The following ALK variants were observed in gnomAD, a reference collection of about 807,000 sequenced individuals.
ALK encodes ALK tyrosine kinase receptor.
ALK carries 74 observed loss-of-function variants against 163.1 expected under a neutral mutation model. The ratio of observed to expected loss-of-function variants is 0.45; its 90% CI spans 0.38 to 0.55. ALK has a LOEUF of 0.55. Ranked by LOEUF, ALK falls within the 20% of genes least tolerant of loss-of-function variation. The probability of loss-of-function intolerance (pLI) is 0.00; values close to 1 mark genes in which losing one functional copy is unlikely to be tolerated. For missense variants in ALK, 2,063 were observed against 2,105.3 expected (o/e 0.98, Z 0.39); for synonymous variants, 960 against 843.2 (o/e 1.14, Z -2.40).
At chr2:29,345,088 G>T (rs1456599982) in intron 5 of ALK, among the ~76,000 whole-genome samples, 2 of 152,140 alleles carry the variant, frequency 1.3e-5, no homozygotes, top group African/African-American at 4.8e-5. Flanking sequence ...CATCAAATTA[G>T]CAAAGACTTG....
Position 29,918,796 on chromosome 2 carries a change from T to C in ALK, c.667+1197A>G, listed in dbSNP as rs551791453. On this transcript the variant is annotated intron_variant, in intron 1 of 28. Transcript: ENST00000389048. ...GTTTCCATCCAATTAATATTAGACA[T>C]TAGTAGCCAGTGGAGCATAAGAACT... Among the ~76,000 whole-genome samples, 10 of 152,306 alleles carry C rather than the reference T, an allele frequency of 6.6e-5. No individual in the cohort carries two copies. The East Asian group carries it at 1.7e-3, about 26-fold the overall frequency.
intron 4 of ALK, among the ~76,000 whole-genome samples, chr2:29,486,176 T>C (rs1671772751): frequency 6.6e-6 from 1 of 152,166 alleles, no homozygotes; most frequent in Non-Finnish European, 1.5e-5. Context: ...TAGTGCAAAA[T>C]ATACCATCTT....
chr2:29,232,281 AG>A (rs1192894195), intron 15 of ALK, 22 bp downstream of exon 15: 7 of 1,613,922 alleles, frequency 4.3e-6, no homozygotes, highest in Non-Finnish European at 5.1e-6. Flanking sequence ...GTTCTGGGAG[AG>A]GGCACGCTTG....
chr2:29,404,383 C>T (rs997532916), intron 4 of ALK, among the ~76,000 whole-genome samples: 2 of 150,696 alleles, frequency 1.3e-5, no homozygotes, highest in Non-Finnish European at 3.0e-5. Context: ...TAAATATTTA[C>T]TCAAACAGAA....
intron 3 of ALK, among the ~76,000 whole-genome samples, chr2:29,685,860 C>A (rs952455): frequency 6.6e-6 from 1 of 152,120 alleles, no homozygotes; most frequent in Non-Finnish European, 1.5e-5. Flanking sequence ...CCTCTTCTTT[C>A]CCAGCCCTTA....
chr2:29,468,790 G>A (rs1003284180), intron 4 of ALK, among the ~76,000 whole-genome samples: 16 of 142,900 alleles, frequency 1.1e-4, no homozygotes, highest in African/African-American at 4.2e-4. Context: ...GGAGGTTGAG[G>A]CTGCAGTAAG....
rs541049394 is a variant in ALK, at chr2:29,419,318, C to T, written c.1155-35459G>A. 2.6e-4 allele frequency among the ~76,000 whole-genome samples: 39 copies of T among 151,482 alleles called. 1 individual carries two copies. Among genetic ancestry groups the T allele is most frequent in the African/African-American group, 8.6e-4 (35 of 40,830 alleles). ...GACCACCCACCTCGGCTTCCCAAAGCGCTGGGATTACAGGCATGAGCCACC... is the reference window on the plus strand; with the variant it reads ...GACCACCCACCTCGGCTTCCCAAAGTGCTGGGATTACAGGCATGAGCCACC... On this transcript the variant is annotated intron_variant, in intron 4 of 28. Coordinates refer to ENST00000389048, the MANE Select transcript of ALK (RefSeq NM_004304.5).
intron 9 of ALK, among the ~76,000 whole-genome samples, chr2:29,295,375 C>T (rs956793660): frequency 8.5e-5 from 13 of 152,124 alleles, no homozygotes; most frequent in African/African-American, 3.1e-4. Flanking sequence ...TTCACCTCTC[C>T]CAGGAGGGAG....
Position 29,555,219 on chromosome 2 carries a change from C to A in ALK, c.953-23103G>T, listed in dbSNP as rs1296768021. 2.0e-5 allele frequency among the ~76,000 whole-genome samples: 3 copies of A among 152,196 alleles called. No homozygotes were observed. The East Asian group carries it at 5.8e-4, about 29-fold the overall frequency. On this transcript the variant is annotated intron_variant, in intron 3 of 28. Coordinates refer to ENST00000389048, the MANE Select transcript of ALK (RefSeq NM_004304.5). ...TGGGGACCCCTTTCCTGTAACACTA[C>A]CCCCTCAGATGGCCATGTCTCTCCA...
At chr2:29,222,639 G>A (rs773789196) in intron 20 of ALK, 32 bp from the exon 21 acceptor site, 16 of 1,598,654 alleles carry the variant, frequency 1.0e-5, no homozygotes, top group Admixed American at 6.8e-5. Context: ...AGGAGACAGA[G>A]TCAAACAGGC....
chr2:29,220,624 C>T (rs1480788003), intron 23 of ALK, 82 bp downstream of exon 23: 6 of 1,601,660 alleles, frequency 3.7e-6, no homozygotes, highest in Non-Finnish European at 5.1e-6. Flanking sequence ...GAACTTGCTA[C>T]CCAGGCTGCC....
chr2:29,290,944 G>T (rs547847475), intron 9 of ALK, among the ~76,000 whole-genome samples: 1 of 152,234 alleles, frequency 6.6e-6, no homozygotes, highest in African/African-American at 2.4e-5. Flanking sequence ...AGCAGGAGGT[G>T]GTGGTGGGAA....
At chr2:29,249,576 C>G (rs1664764997) in intron 12 of ALK, among the ~76,000 whole-genome samples, 1 of 152,142 alleles carries the variant, frequency 6.6e-6, no homozygotes, top group African/African-American at 2.4e-5. Flanking sequence ...AATCCCAGCT[C>G]CATCACTGAT....
chr2:29,586,300 T>C (rs1454372969), intron 3 of ALK, among the ~76,000 whole-genome samples: 1 of 152,160 alleles, frequency 6.6e-6, no homozygotes, highest in African/African-American at 2.4e-5. Flanking sequence ...TATTTTCTTA[T>C]GTATTTATGG....
At chr2:29,772,971 C>G (rs939688911) in intron 1 of ALK, among the ~76,000 whole-genome samples, 28 of 152,148 alleles carry the variant, frequency 1.8e-4, no homozygotes, top group African/African-American at 6.5e-4. Context: ...ATTTGTGGAA[C>G]GACGTGCTGG....
chr2:29,810,255 C>T (rs1215548878), intron 1 of ALK, among the ~76,000 whole-genome samples: 1 of 151,992 alleles, frequency 6.6e-6, no homozygotes, highest in African/African-American at 2.4e-5. Flanking sequence ...TACGCCATCT[C>T]TACTAAAAAT....
chr2:29,407,167 T>C (rs1669606016), intron 4 of ALK, among the ~76,000 whole-genome samples: 1 of 152,178 alleles, frequency 6.6e-6, no homozygotes, highest in Admixed American at 6.5e-5. Flanking sequence ...GATTCAACTT[T>C]CTGATCTGAA....
chr2:29,315,979 C>A (rs893814167), intron 8 of ALK, among the ~76,000 whole-genome samples: 3 of 152,076 alleles, frequency 2.0e-5, no homozygotes, highest in Non-Finnish European at 4.4e-5. Flanking sequence ...GCACTCGGGC[C>A]CCATAGGCAA....
At position 29,571,602 on chromosome 2, in the gene ALK, C is replaced by CTTTTTTTTTTTTTTTTT. The variant is rs60429543; in HGVS notation, c.953-39503_953-39487dup. Among the ~76,000 whole-genome samples, 19 of 68,526 alleles carry CTTTTTTTTTTTTTTTTT rather than the reference C, an allele frequency of 2.8e-4. 1 individual carries two copies. Among genetic ancestry groups the CTTTTTTTTTTTTTTTTT allele is most frequent in the African/African-American group, 4.4e-4 (6 of 13,632 alleles). The allele number at this position is 68,526 out of a possible 152,430, so 45.0% of individuals were successfully genotyped here. On this transcript the variant is annotated intron_variant, in intron 3 of 28. Transcript: ENST00000389048. ...TAAATTACCTAGTCTTGGCTCATAT[C>CTTTTTTTTTTTTTTTTT]TTTTTTTTTTTTTTTTTTTTTTTTT...
Sources: gnomAD v4.1 joint callset for allele counts (sites outside exome capture counted in the v4.1 genomes callset) on GRCh38, gnomAD v4.1.1 for gene constraint, MANE v1.5 for transcripts, NCBI Gene and HGNC (gene_info 2026-07-23, HGNC 2026-07-21) for gene names.